Variants in ZNF367 observed in about 807,000 individuals in gnomAD.
ZNF367 encodes the protein C2H2 zinc finger protein ZFF29.
ZNF367 carries 11 observed loss-of-function variants against 31.8 expected under a neutral mutation model. The ratio of observed to expected loss-of-function variants is 0.35; its 90% confidence interval spans 0.22 to 0.57. ZNF367 has a LOEUF of 0.57. Among genes scored for constraint, ZNF367 ranks in the 20% least tolerant of loss-of-function variants. The probability of loss-of-function intolerance (pLI) is 0.85; values close to 1 mark genes in which losing one functional copy is unlikely to be tolerated. For synonymous variants in ZNF367, 199 were observed against 202.4 expected (o/e 0.98, Z 0.14); for missense variants, 353 against 484.1 (o/e 0.73, Z 2.54).
At position 96,388,206 on chromosome 9, in the gene ZNF367, C is replaced by A. The variant is rs755520180; in HGVS notation, c.*31G>T. The A allele has an allele frequency of 6.3e-7, 1 of 1,589,394 alleles. No individual in the cohort carries two copies. On this transcript the variant is annotated 3_prime_UTR_variant, in exon 5 of 5. Transcript: ENST00000375256. Reference sequence around the variant, plus strand: ...TACTTTTTAAGTATGCTGGGCAGTACTTTTGTACAGTGGAAGAGTCAGTGT... The same window carrying A: ...TACTTTTTAAGTATGCTGGGCAGTAATTTTGTACAGTGGAAGAGTCAGTGT...
chr9:96,417,128 C>T lies in ZNF367; in HGVS notation c.420+485G>A, dbSNP rs1222065610. Among the ~76,000 whole-genome samples, 1 of 152,246 alleles carries T rather than the reference C, an allele frequency of 6.6e-6. No individual in the cohort carries two copies. On this transcript the variant is annotated intron_variant, in intron 1 of 4. Coordinates refer to ENST00000375256, the MANE Select transcript of ZNF367 (RefSeq NM_153695.4). This position sits in a 1 kb window ranked among gnomAD's most constrained non-coding sequence, Gnocchi z 5.0. ...ATGAAAGGCAGCGAAGGCACAACTT[C>T]AGCCGCAGAACAGGCCCAGAAGTCC...
chr9:96,400,392 CAAAAAA>C (rs57650386), intron 1 of ZNF367, among the ~76,000 whole-genome samples: 3 of 71,896 alleles, frequency 4.2e-5, no homozygotes, highest in Admixed American at 1.7e-4. Flanking sequence ...GACCCTGTCT[CAAAAAA>C]AAAAAAAAAA....
rs143739931 is a variant in ZNF367, at chr9:96,392,573, A to G, written c.692-37T>C. The G allele has an allele frequency of 2.6e-6, 4 of 1,562,124 alleles. No individual in the cohort carries two copies. In the African/African-American group the frequency reaches 5.4e-5, roughly 21 times the overall value. ...AAGGTTAACACCTGTCAGGATCTGG[A>G]CATCCAGCACATAGACATGTGGAAA... On this transcript the variant is annotated intron_variant, in intron 3 of 4. Transcript: ENST00000375256.
chr9:96,407,201 G>A, intron 1 of ZNF367: 1 of 712,998 alleles, frequency 1.4e-6, no homozygotes, highest in Non-Finnish European at 2.5e-6. Context: ...TGCGTGGCGT[G>A]GGCTTGTGGG....
intron 1 of ZNF367, chr9:96,407,424 T>C (rs540214293): frequency 3.4e-4 from 486 of 1,444,998 alleles, no homozygotes; most frequent in Non-Finnish European, 4.4e-4. Context: ...GTCTGAAGGC[T>C]AAGCTTTAAC....
At chr9:96,411,279 G>A (rs1273625000) in intron 1 of ZNF367, among the ~76,000 whole-genome samples, 1 of 152,144 alleles carries the variant, frequency 6.6e-6, no homozygotes, top group South Asian at 2.1e-4. Flanking sequence ...TGGGCGCCGT[G>A]GCTCATGCCT....
intron 4 of ZNF367, among the ~76,000 whole-genome samples, chr9:96,388,691 C>A (rs889993157): frequency 6.6e-6 from 1 of 152,216 alleles, no homozygotes; most frequent in Non-Finnish European, 1.5e-5. Context: ...AGATCTTCTA[C>A]TCACTCTCAA....
In ZNF367 at chr9:96,388,108, C is replaced by T; in HGVS notation, c.*129G>A. The T allele has an allele frequency of 1.2e-6, 1 of 858,678 alleles. No individual in the cohort carries two copies. The highest frequency in any genetic ancestry group is 1.8e-6 in the Non-Finnish European group (1 of 568,182). The allele number at this position is 858,678 out of a possible 1,614,324, so 53.2% of individuals were successfully genotyped here. On this transcript the variant is annotated 3_prime_UTR_variant, in exon 5 of 5. Transcript: ENST00000375256. ...CTCACCCCATATTCTGGGGCAATAA[C>T]ATTCTTCATAAATTTCTACAGAATA...
chr9:96,388,183 C>T lies in ZNF367; in HGVS notation c.*54G>A. 1.3e-6 allele frequency: 2 copies of T among 1,517,874 alleles called. No homozygotes were observed. Among genetic ancestry groups the T allele is most frequent in the Non-Finnish European group, 1.8e-6 (2 of 1,127,234 alleles). 94.0% of individuals were successfully genotyped at this position (1,517,874 alleles called of 1,614,324 possible). A position where few individuals can be genotyped will look rare whatever the true frequency, so the allele number is the denominator to read the frequency against. ...TGCTTAGCTTATGCCCAAGGATCTA[C>T]TTTTTAAGTATGCTGGGCAGTACTT... On this transcript the variant is annotated 3_prime_UTR_variant, in exon 5 of 5. Coordinates refer to ENST00000375256, the MANE Select transcript of ZNF367 (RefSeq NM_153695.4).
intron 1 of ZNF367, among the ~76,000 whole-genome samples, chr9:96,412,043 C>T (rs1240579663): frequency 6.6e-6 from 1 of 152,140 alleles, no homozygotes; most frequent in African/African-American, 2.4e-5. Flanking sequence ...AACAAATAAT[C>T]ATATAATGCC....
chr9:96,398,911 T>C (rs1479343287), intron 1 of ZNF367, among the ~76,000 whole-genome samples: 1 of 152,166 alleles, frequency 6.6e-6, no homozygotes, highest in Non-Finnish European at 1.5e-5. Flanking sequence ...ACATTGGTCT[T>C]TGCTTTCCCT....
chr9:96,411,389 A>G (rs149131819), intron 1 of ZNF367, among the ~76,000 whole-genome samples: 10 of 151,900 alleles, frequency 6.6e-5, no homozygotes, highest in African/African-American at 2.4e-4. Context: ...CTACAAAAAA[A>G]AAAAAGGCCA....
chr9:96,394,633 C>G (rs1831508546), intron 3 of ZNF367, among the ~76,000 whole-genome samples, 190 bp downstream of exon 3: 1 of 152,002 alleles, frequency 6.6e-6, no homozygotes. Flanking sequence ...AAAATCAAAA[C>G]CAACAAATTT....
At chr9:96,405,591 A>G (rs1176664382) in intron 1 of ZNF367, among the ~76,000 whole-genome samples, 3 of 152,186 alleles carry the variant, frequency 2.0e-5, no homozygotes, top group Non-Finnish European at 2.9e-5. Flanking sequence ...ACACAATGGA[A>G]TATGTATACA....
chr9:96,405,555 G>A (rs963204599), intron 1 of ZNF367, among the ~76,000 whole-genome samples: 5 of 151,786 alleles, frequency 3.3e-5, no homozygotes, highest in African/African-American at 7.3e-5. Flanking sequence ...GTTTTGTATC[G>A]ATATCATATA....
chr9:96,411,145 C>T (rs1057499800), intron 1 of ZNF367, among the ~76,000 whole-genome samples: 2 of 149,698 alleles, frequency 1.3e-5, no homozygotes, highest in African/African-American at 5.1e-5. Context: ...GATTGCGCCA[C>T]TGTACTCCAG....
chr9:96,407,095 G>A (rs1831680253), intron 1 of ZNF367, among the ~76,000 whole-genome samples: 1 of 151,746 alleles, frequency 6.6e-6, no homozygotes, highest in Non-Finnish European at 1.5e-5. Context: ...TGAGGTGATA[G>A]GGTCGCTTGA....
At chr9:96,394,991 G>C (rs1483659303) in intron 2 of ZNF367, 49 bp from the exon 3 acceptor site, 1 of 1,605,826 alleles carries the variant, frequency 6.2e-7, no homozygotes, top group Non-Finnish European at 8.5e-7. Context: ...AAGGCCAGAA[G>C]AGGAGGGGGA....
chr9:96,396,954 A>G (rs1831538943), intron 2 of ZNF367, among the ~76,000 whole-genome samples: 1 of 152,246 alleles, frequency 6.6e-6, no homozygotes. Context: ...GGCGTCAGCC[A>G]CCGCACCCAG....
Sources: gnomAD v4.1 joint callset for allele counts (sites outside exome capture counted in the v4.1 genomes callset) on GRCh38, gnomAD v4.1.1 for gene constraint, Gnocchi (gnomAD v3.1) non-coding constraint, MANE v1.5 for transcripts, NCBI Gene and HGNC (gene_info 2026-07-23, HGNC 2026-07-21) for gene names.